Variants in NFE2 observed in about 807,000 individuals in gnomAD.
NFE2 encodes transcription factor NF-E2 45 kDa subunit.
A neutral mutation model predicts 25.8 loss-of-function variants in NFE2; 13 were observed. That is an observed-to-expected ratio of 0.50 (90% CI 0.33 to 0.80). The LOEUF is 0.80. Ranked by LOEUF, NFE2 falls within the 30% of genes least tolerant of loss-of-function variation. The pLI, the probability that NFE2 is intolerant of heterozygous loss-of-function variation, is 0.02. For missense variants in NFE2, 382 were observed against 478.9 expected, an observed-to-expected ratio of 0.80 and a Z score of 1.89; for synonymous variants, 204 against 200.2, an observed-to-expected ratio of 1.02 and a Z score of -0.16.
chr12:54,294,307 A>C, intron 2 of NFE2, among the ~76,000 whole-genome samples: 1 of 152,032 alleles, frequency 6.6e-6, no homozygotes, highest in Non-Finnish European at 1.5e-5. Context: ...TTTTTATCCA[A>C]GATGACCCCT....
intron 2 of NFE2, among the ~76,000 whole-genome samples, chr12:54,294,092 CT>C (rs1944346024): frequency 6.6e-6 from 1 of 151,448 alleles, no homozygotes; most frequent in Admixed American, 6.6e-5. Flanking sequence ...GTGAAACCCC[CT>C]GTCTACTAAA....
Position 54,292,265 on chromosome 12 carries a change from T to G in NFE2, c.*109A>C. 1 of 1,158,520 alleles carries G rather than the reference T, an allele frequency of 8.6e-7. No homozygotes were observed. Among genetic ancestry groups the G allele is most frequent in the East Asian group, 2.4e-5 (1 of 41,086 alleles). 71.8% of individuals were successfully genotyped at this position (1,158,520 alleles called of 1,614,324 possible). A position where few individuals can be genotyped will look rare whatever the true frequency, so the allele number is the denominator to read the frequency against. On this transcript the variant is annotated 3_prime_UTR_variant, in exon 3 of 3. Coordinates refer to ENST00000435572, the MANE Select transcript of NFE2 (RefSeq NM_001136023.3). ...CAAACACTTGTTGCCATTGTCATCC[T>G]CTTCTGGTCTAGAGAACTCAGCTCC... is the stretch of plus-strand genomic sequence containing the variant.
chr12:54,294,924 G>C lies in NFE2; in HGVS notation c.114+211C>G, dbSNP rs958258935. ...CTGAGAGAGCCTACACTCCCAATCA[G>C]ATCATTCCCTCCCCACCACTGCTCC... On this transcript the variant is annotated intron_variant, in intron 2 of 2. Transcript: ENST00000435572. Among the ~76,000 whole-genome samples, 6 of 152,198 alleles carry C rather than the reference G, an allele frequency of 3.9e-5. No individual in the cohort carries two copies. The East Asian group carries it at 1.2e-3, about 29-fold the overall frequency.
chr12:54,292,464 G>T lies in NFE2; in HGVS notation c.1032C>A (p.Ser344Arg). 1 of 1,614,208 alleles carries T rather than the reference G, an allele frequency of 6.2e-7. No homozygotes were observed. Among genetic ancestry groups the T allele is most frequent in the East Asian group, 2.2e-5 (1 of 44,876 alleles). ...FQHLRDESGN[S>R]YSPEEYALQQ... Reference sequence around the variant, plus strand: ...GCAGCGCGTACTCTTCAGGAGAGTAGCTGTTGCCTGATTCATCCCGAAGGT... The same window carrying T: ...GCAGCGCGTACTCTTCAGGAGAGTATCTGTTGCCTGATTCATCCCGAAGGT... The change falls in exon 3 of 3, where the codon AGC becomes AGA. Residue 344 changes from serine to arginine, a missense_variant. Physicochemically the swap from Ser to Arg is moderately radical, Grantham distance 110. Transcript: ENST00000435572.
Position 54,293,122 on chromosome 12 carries a change from G to T in NFE2, c.374C>A (p.Ala125Asp). 6.5e-7 allele frequency: 1 copy of T among 1,527,958 alleles called. No homozygotes were observed. Among genetic ancestry groups the T allele is most frequent in the Non-Finnish European group, 8.8e-7 (1 of 1,138,648 alleles). 94.7% of individuals were successfully genotyped at this position (1,527,958 alleles called of 1,614,324 possible). Residue 125 changes from alanine (A) to aspartate (D), a missense_variant, in exon 3 of 3, where the codon GCC becomes GAC. Physicochemically the swap from Ala to Asp is moderately radical, Grantham distance 126. Coordinates refer to ENST00000435572, the MANE Select transcript of NFE2 (RefSeq NM_001136023.3). ...TGCTGGCAGCCCAATGTCCAGGAGG[G>T]CTAAGGGGTCTTGGAGCGGCTCACT... ...LLSEPLQDPL[A>D]LLDIGLPAGP...
chr12:54,292,656 G>A lies in NFE2; in HGVS notation c.840C>T (p.Ala280=), dbSNP rs779722820. 6.2e-7 allele frequency: 1 copy of A among 1,614,154 alleles called. No homozygotes were observed. Among genetic ancestry groups the A allele is most frequent in the Non-Finnish European group, 8.5e-7 (1 of 1,180,032 alleles). Residue 280 remains alanine, a synonymous_variant, in exon 3 of 3, where the codon GCC becomes GCT. Transcript: ENST00000435572. The part of the protein sequence containing the change: ...IRRRGKNKVA[A]QNCRKRKLET... ...CCAGCTTCCTCTTGCGGCAGTTCTG[G>A]GCTGCCACCTTGTTTTTGCCCCGTC...
Position 54,293,144 on chromosome 12 carries a change from C to T in NFE2, c.352G>A (p.Glu118Lys). 1 of 1,532,816 alleles carries T rather than the reference C, an allele frequency of 6.5e-7. No homozygotes were observed. The highest frequency in any genetic ancestry group is 8.8e-7 in the Non-Finnish European group (1 of 1,139,404). 95.0% of individuals were successfully genotyped at this position (1,532,816 alleles called of 1,614,324 possible). Residue 118 changes from glutamate to lysine, a missense_variant, in exon 3 of 3, where the codon GAG (glutamate) becomes AAG (lysine). Physicochemically the swap from Glu to Lys is moderately conservative, Grantham distance 56. Transcript: ENST00000435572. ...AGGGCTAAGGGGTCTTGGAGCGGCT[C>T]ACTGAGCAGGCCTGAGAGGCTCAGT... ...KPLSLSGLLS[E>K]PLQDPLALLD...
rs1235937357 is a variant in NFE2 at position 54,292,539 on chromosome 12, C to A, written c.957G>T (p.Leu319=). The A allele has an allele frequency of 6.2e-7, 1 of 1,614,194 alleles. No individual in the cohort carries two copies. The highest frequency in any genetic ancestry group is 1.7e-5 in the Admixed American group (1 of 60,026). The stretch of plus-strand genomic sequence containing the variant: ...CTGTCAGCTGTTGGCGCATGACCTC[C>A]AGGGTCCGGTCTGCCTCCCCGCGGG... The part of the protein sequence containing the change: ...LRARGEADRT[L]EVMRQQLTEL... Residue 319 remains leucine, a synonymous_variant, in exon 3 of 3, where the codon CTG becomes CTT. Coordinates refer to ENST00000435572, the MANE Select transcript of NFE2 (RefSeq NM_001136023.3).
intron 2 of NFE2, among the ~76,000 whole-genome samples, chr12:54,293,774 C>T (rs758648609): frequency 1.3e-5 from 2 of 150,224 alleles, no homozygotes; most frequent in Non-Finnish European, 3.0e-5. Context: ...GCTTGAACCC[C>T]GGAGGTGGAG....
At chr12:54,295,447 C>T in intron 1 of NFE2, 143 bp from the exon 2 acceptor site, 2 of 548,928 alleles carry the variant, frequency 3.6e-6, no homozygotes, top group South Asian at 4.1e-5. Flanking sequence ...CTGGATTCAT[C>T]AATCCCTTAA....
chr12:54,297,308 T>C (rs929528012), intron 1 of NFE2, among the ~76,000 whole-genome samples: 1 of 141,846 alleles, frequency 7.0e-6, no homozygotes, highest in Admixed American at 7.3e-5. Context: ...TGAGCCATGA[T>C]TGTGCCACCG....
rs754964458 is a variant in NFE2 at position 54,293,315 on chromosome 12, G to A, written c.181C>T (p.Pro61Ser). ...QAPAPYLGPP[P>S]PTTYCPCSIH... ...GAGCAGGGGCAGTAAGTTGTGGGTG[G>A]TGGAGGTCCAAGGTATGGAGCTGGG... The change falls in exon 3 of 3, where the codon CCA (proline) becomes TCA (serine). Residue 61 changes from proline (P) to serine (S), a missense_variant. Pro to Ser is a moderately conservative substitution (Grantham distance 74, BLOSUM62 -1). Coordinates refer to ENST00000435572, the MANE Select transcript of NFE2 (RefSeq NM_001136023.3). 1.9e-6 allele frequency: 3 copies of A among 1,601,096 alleles called. No homozygotes were observed. The highest frequency in any genetic ancestry group is 2.6e-6 in the Non-Finnish European group (3 of 1,172,458).
chr12:54,292,540 A>T lies in NFE2; in HGVS notation c.956T>A (p.Leu319Gln), dbSNP rs1459814436. The change falls in exon 3 of 3, where the codon CTG becomes CAG. Residue 319 changes from leucine (L) to glutamine (Q), a missense_variant. Transcript: ENST00000435572. ...LRARGEADRT[L>Q]EVMRQQLTEL... Reference sequence around the variant, plus strand: ...TGTCAGCTGTTGGCGCATGACCTCCAGGGTCCGGTCTGCCTCCCCGCGGGC... The same window carrying T: ...TGTCAGCTGTTGGCGCATGACCTCCTGGGTCCGGTCTGCCTCCCCGCGGGC... The T allele has an allele frequency of 6.2e-7, 1 of 1,614,040 alleles. No homozygotes were observed. The highest frequency in any genetic ancestry group is 1.1e-5 in the South Asian group (1 of 91,084).
In NFE2 at chr12:54,293,163, G is replaced by T; in HGVS notation, c.333C>A (p.Ser111Arg). 1 of 1,556,096 alleles carries T rather than the reference G, an allele frequency of 6.4e-7. No homozygotes were observed. The highest frequency in any genetic ancestry group is 8.7e-7 in the Non-Finnish European group (1 of 1,148,208). Residue 111 changes from serine (S) to arginine (R), a missense_variant, in exon 3 of 3, where the codon AGC becomes AGA. Coordinates refer to ENST00000435572, the MANE Select transcript of NFE2 (RefSeq NM_001136023.3). Reference sequence around the variant, plus strand: ...GCGGCTCACTGAGCAGGCCTGAGAGGCTCAGTGGCTTGGAGACTGGTATGG... The same window carrying T: ...GCGGCTCACTGAGCAGGCCTGAGAGTCTCAGTGGCTTGGAGACTGGTATGG... ...NMAIPVSKPLSLSGLLSEPLQ... is the reference protein window; with the variant it reads ...NMAIPVSKPLRLSGLLSEPLQ...
At chr12:54,294,642 G>T (rs1014798798) in intron 2 of NFE2, among the ~76,000 whole-genome samples, 1 of 152,112 alleles carries the variant, frequency 6.6e-6, no homozygotes, top group African/African-American at 2.4e-5. Context: ...GGGGACAAAG[G>T]CATCATTGTC....
Position 54,293,148 on chromosome 12 carries a change from G to A in NFE2, c.348C>T (p.Leu116=). The change falls in exon 3 of 3, where the codon CTC becomes CTT. Residue 116 remains leucine, a synonymous_variant. Transcript: ENST00000435572. The stretch of plus-strand genomic sequence containing the variant: ...CTAAGGGGTCTTGGAGCGGCTCACT[G>A]AGCAGGCCTGAGAGGCTCAGTGGCT... ...VSKPLSLSGL[L]SEPLQDPLAL... is the part of the protein sequence containing the mutation. 1 of 1,538,442 alleles carries A rather than the reference G, an allele frequency of 6.5e-7. No individual in the cohort carries two copies. Among genetic ancestry groups the A allele is most frequent in the Non-Finnish European group, 8.8e-7 (1 of 1,141,346 alleles).
chr12:54,292,540 A>G lies in NFE2; in HGVS notation c.956T>C (p.Leu319Pro), dbSNP rs1459814436. 1 of 1,614,158 alleles carries G rather than the reference A, an allele frequency of 6.2e-7. No homozygotes were observed. ...LRARGEADRT[L>P]EVMRQQLTEL... Reference sequence around the variant, plus strand: ...TGTCAGCTGTTGGCGCATGACCTCCAGGGTCCGGTCTGCCTCCCCGCGGGC... The same window carrying G: ...TGTCAGCTGTTGGCGCATGACCTCCGGGGTCCGGTCTGCCTCCCCGCGGGC... Residue 319 changes from leucine (L) to proline (P), a missense_variant, in exon 3 of 3, where the codon CTG (leucine) becomes CCG (proline). Leu to Pro is a moderately conservative substitution (Grantham distance 98). Coordinates refer to ENST00000435572, the MANE Select transcript of NFE2 (RefSeq NM_001136023.3).
intron 1 of NFE2, among the ~76,000 whole-genome samples, chr12:54,296,265 C>T (rs528588495): frequency 1.3e-5 from 2 of 151,802 alleles, no homozygotes; most frequent in Non-Finnish European, 1.5e-5. Flanking sequence ...ATTAGCTGGG[C>T]GTGGTGGGGT....
rs765721262 is a variant in NFE2 at position 54,293,251 on chromosome 12, G to A, written c.245C>T (p.Pro82Leu). 14 of 1,612,156 alleles carry A rather than the reference G, an allele frequency of 8.7e-6. No individual in the cohort carries two copies. In the South Asian group the frequency reaches 1.4e-4, roughly 17 times the overall value. ...GGATGTGGATGCTGGGAGCTCATAA[G>A]GTGGTGGAGGAAGTGGGAAGCCAGA... Reference protein sequence around the residue: ...PDSGFPLPPPPYELPASTSHV... With the variant: ...PDSGFPLPPPLYELPASTSHV... The change falls in exon 3 of 3, where the codon CCT becomes CTT. Residue 82 changes from proline (P) to leucine (L), a missense_variant. Transcript: ENST00000435572.
Sources: gnomAD v4.1 joint callset for allele counts (sites outside exome capture counted in the v4.1 genomes callset) on GRCh38, gnomAD v4.1.1 for gene constraint, MANE v1.5 for transcripts, NCBI Gene and HGNC (gene_info 2026-07-23, HGNC 2026-07-21) for gene names.